The following PROM1 variants were observed in gnomAD, a reference collection of about 807,000 sequenced individuals.
PROM1 encodes the protein prominin-1.
A neutral mutation model predicts 116.9 loss-of-function variants in PROM1; 105 were observed. The ratio of observed to expected loss-of-function variants is 0.90; its 90% CI spans 0.77 to 1.06. PROM1 has a LOEUF of 1.06. Among genes scored for constraint, PROM1 ranks in the 50% least tolerant of loss-of-function variants. The pLI is 0.00. For missense variants in PROM1, 1,122 were observed against 1,045.2 expected (o/e 1.07, Z -1.01); for synonymous variants, 393 against 387.0 (o/e 1.02, Z -0.18).
chr4:16,004,872 CCT>C (rs150797542), intron 13 of PROM1, among the ~76,000 whole-genome samples: 33 of 115,240 alleles, frequency 2.9e-4, no homozygotes, highest in Middle Eastern at 4.7e-3. Context: ...TCTCTCTCTC[CCT>C]CTCTCTCTCT....
chr4:15,983,351 T>A (rs999896344), intron 23 of PROM1, among the ~76,000 whole-genome samples: 4 of 151,938 alleles, frequency 2.6e-5, no homozygotes, highest in African/African-American at 9.7e-5. Context: ...AAACAGCCCA[T>A]GTAGGCGAGG....
At chr4:16,067,473 C>G (rs1242070516) in intron 2 of PROM1, among the ~76,000 whole-genome samples, 2 of 152,214 alleles carry the variant, frequency 1.3e-5, no homozygotes, top group Non-Finnish European at 2.9e-5. Flanking sequence ...GTGCTGTTGA[C>G]TCGCCTAAAT....
At chr4:16,025,082 G>T (rs961018894) in intron 6 of PROM1, 110 bp downstream of exon 6, 2 of 1,325,528 alleles carry the variant, frequency 1.5e-6, no homozygotes, top group South Asian at 1.4e-5. Flanking sequence ...ACCAGTCTAC[G>T]CTGATTCACT....
Position 15,968,717 on chromosome 4 carries a change from C to T in PROM1, c.*676G>A, listed in dbSNP as rs571378540. On this transcript the variant is annotated 3_prime_UTR_variant, in exon 28 of 28. Transcript: ENST00000447510. Reference sequence around the variant, plus strand: ...TTGTCAGATGGAGTTACGCAGGTTTCTCTATGATTGCTTTTGCATGCCATT... The same window carrying T: ...TTGTCAGATGGAGTTACGCAGGTTTTTCTATGATTGCTTTTGCATGCCATT... 1 of 152,350 alleles carries T rather than the reference C, an allele frequency of 6.6e-6. No homozygotes were observed. Among genetic ancestry groups the T allele is most frequent in the Non-Finnish European group, 1.5e-5 (1 of 68,032 alleles). The allele number at this position is 152,350 out of a possible 1,614,324, so 9.4% of individuals were successfully genotyped here.
intron 2 of PROM1, among the ~76,000 whole-genome samples, chr4:16,067,195 C>A (rs967870857): frequency 1.3e-5 from 2 of 152,200 alleles, no homozygotes; most frequent in Non-Finnish European, 2.9e-5. Context: ...GAGGGAAGAG[C>A]CTACGTTTGG....
intron 2 of PROM1, among the ~76,000 whole-genome samples, chr4:16,056,178 C>A (rs1337917818): frequency 6.6e-6 from 1 of 152,104 alleles, no homozygotes; most frequent in Non-Finnish European, 1.5e-5. Flanking sequence ...CTGGCACAGT[C>A]GCAATTGTTT....
intron 15 of PROM1, among the ~76,000 whole-genome samples, chr4:15,995,078 G>A (rs1442363249): frequency 2.0e-5 from 3 of 152,194 alleles, no homozygotes; most frequent in East Asian, 3.8e-4. Context: ...CCTAGAGCAC[G>A]CTGTCCAGAA....
intron 2 of PROM1, among the ~76,000 whole-genome samples, chr4:16,040,975 A>C (rs1242255620): frequency 1.3e-5 from 2 of 152,218 alleles, no homozygotes; most frequent in Non-Finnish European, 2.9e-5. Context: ...CCATCCTCTC[A>C]GGCCACGTGG....
At chr4:15,970,794 A>G (rs1714338824) in intron 27 of PROM1, among the ~76,000 whole-genome samples, 1 of 124,412 alleles carries the variant, frequency 8.0e-6, no homozygotes, top group East Asian at 2.6e-4. Flanking sequence ...TATTATTTTT[A>G]TTTTTGTACT....
chr4:16,023,422 G>A lies in PROM1; in HGVS notation c.695-7C>T. 1 of 1,579,754 alleles carries A rather than the reference G, an allele frequency of 6.3e-7. No homozygotes were observed. The highest frequency in any genetic ancestry group is 8.6e-7 in the Non-Finnish European group (1 of 1,156,814). ...CCTAGCACTGAATTGATACCTACAT[G>A]CAAATAAGCACAAAGATGGTGAGGG... On this transcript the variant is annotated splice_region_variant and splice_polypyrimidine_tract_variant and intron_variant, in intron 7 of 27. Coordinates refer to ENST00000447510, the MANE Select transcript of PROM1 (RefSeq NM_006017.3).
intron 5 of PROM1, among the ~76,000 whole-genome samples, chr4:16,031,434 AC>A (rs1732670860): frequency 6.6e-6 from 1 of 152,134 alleles, no homozygotes; most frequent in Non-Finnish European, 1.5e-5. Flanking sequence ...AGAGGTAACT[AC>A]CCCTATAACT....
At chr4:16,007,179 T>C (rs761985824) in intron 12 of PROM1, among the ~76,000 whole-genome samples, 11 of 152,356 alleles carry the variant, frequency 7.2e-5, no homozygotes, top group Non-Finnish European at 1.0e-4. Context: ...TATTTTGTGG[T>C]TGCAGAAATA....
intron 1 of PROM1, chr4:16,078,074 C>T (rs1372736250): frequency 1.3e-5 from 2 of 152,164 alleles, no homozygotes; most frequent in Admixed American, 6.5e-5. Context: ...GAGATGAAAG[C>T]CAGGGCAGAG....
chr4:16,015,364 A>AAAAG (rs1553909799), intron 10 of PROM1, among the ~76,000 whole-genome samples: 27 of 148,878 alleles, frequency 1.8e-4, no homozygotes, highest in Non-Finnish European at 3.1e-4. Flanking sequence ...AAAAAAAAAA[A>AAAAG]AAGAAGAAGA....
intron 13 of PROM1, among the ~76,000 whole-genome samples, chr4:16,000,870 T>G (rs1461898670): frequency 2.3e-5 from 3 of 130,502 alleles, no homozygotes; most frequent in Non-Finnish European, 3.3e-5. Flanking sequence ...AGGCGGGGGA[T>G]CACTGGATAG....
In PROM1 at chr4:15,994,243, T is replaced by G. The variant is rs115772971; in HGVS notation, c.1683-172A>C. Among the ~76,000 whole-genome samples, 290 of 152,332 alleles carry G rather than the reference T, an allele frequency of 1.9e-3. 2 individuals carry two copies. The highest frequency in any genetic ancestry group is 6.7e-3 in the African/African-American group (279 of 41,572). Reference sequence around the variant, plus strand: ...CAAATCCCCCAGCACCCACCACTTCTGACTTCTTGCCTTGCTTTACTAACA... The same window carrying G: ...CAAATCCCCCAGCACCCACCACTTCGGACTTCTTGCCTTGCTTTACTAACA... On this transcript the variant is annotated intron_variant, in intron 15 of 27. Transcript: ENST00000447510.
At chr4:16,048,656 GTGGCTTC>G (rs1398515908) in intron 2 of PROM1, among the ~76,000 whole-genome samples, 1 of 151,968 alleles carries the variant, frequency 6.6e-6, no homozygotes, top group Non-Finnish European at 1.5e-5. Context: ...GCTGACTGGA[GTGGCTTC>G]TCCCTGCAGG....
At chr4:15,989,621 A>G (rs1720450316) in intron 19 of PROM1, 111 bp downstream of exon 19, 2 of 907,238 alleles carry the variant, frequency 2.2e-6, no homozygotes, top group Non-Finnish European at 3.5e-6. Flanking sequence ...GAAGCCAGTC[A>G]GCTGGGACCT....
At chr4:16,024,224 T>C (rs913737421) in intron 7 of PROM1, 71 bp downstream of exon 7, 55 of 1,342,046 alleles carry the variant, frequency 4.1e-5, no homozygotes, top group South Asian at 2.2e-4. Flanking sequence ...CGTCATTTCT[T>C]AGTCCATGTT....
Sources: gnomAD v4.1 joint callset for allele counts (sites outside exome capture counted in the v4.1 genomes callset) on GRCh38, gnomAD v4.1.1 for gene constraint, MANE v1.5 for transcripts, NCBI Gene and HGNC (gene_info 2026-07-23, HGNC 2026-07-21) for gene names.